Variants in PGGT1B observed in about 807,000 individuals in gnomAD.
The protein encoded by PGGT1B is protein geranylgeranyltransferase type I subunit beta, also known as geranylgeranyl transferase type-1 subunit beta.
A neutral mutation model predicts 46.1 loss-of-function variants in PGGT1B; 30 were observed. The observed-to-expected ratio is 0.65, with a 90% confidence interval of 0.49 to 0.88. PGGT1B has a LOEUF of 0.88. Ranked by LOEUF, PGGT1B falls within the 40% of genes least tolerant of loss-of-function variation. The pLI, the probability that PGGT1B is intolerant of heterozygous loss-of-function variation, is 0.00. For missense variants in PGGT1B, 376 were observed against 455.9 expected (o/e 0.82, Z 1.60); for synonymous variants, 170 against 160.0 (o/e 1.06, Z -0.47).
chr5:115,240,790 G>A (rs1757324233), intron 3 of PGGT1B, among the ~76,000 whole-genome samples: 2 of 152,196 alleles, frequency 1.3e-5, no homozygotes, highest in African/African-American at 4.8e-5. Flanking sequence ...CATTACATAA[G>A]CAGGCTGGCC....
rs751967956 is a variant in PGGT1B at position 115,262,827 on chromosome 5, G to C, written c.25C>G (p.Leu9Val). The change falls in exon 1 of 9, where the codon CTA becomes GTA. Residue 9 changes from leucine (L) to valine (V), a missense_variant. Physicochemically the swap from Leu to Val is conservative, Grantham distance 32 (BLOSUM62 1). This residue lies in a region of PGGT1B where 154 missense variants were observed against 142.3 expected (regional missense o/e 1.08). Transcript: ENST00000419445. Reference sequence around the variant, plus strand: ...CGCTCTCCCTCACCGCTCCCTGCTAGCCTCTCATCCTCAGTGGCCGCCATG... The same window carrying C: ...CGCTCTCCCTCACCGCTCCCTGCTACCCTCTCATCCTCAGTGGCCGCCATG... MAATEDER[L>V]AGSGEGERLD... 14 of 1,612,372 alleles carry C rather than the reference G, an allele frequency of 8.7e-6. No individual in the cohort carries two copies. Among genetic ancestry groups the C allele is most frequent in the Admixed American group, 5.0e-5 (3 of 60,008 alleles).
At chr5:115,234,406 G>A (rs775755704) in intron 5 of PGGT1B, among the ~76,000 whole-genome samples, 13 of 151,874 alleles carry the variant, frequency 8.6e-5, no homozygotes, top group African/African-American at 4.8e-5. Flanking sequence ...GGGAGGGTGA[G>A]GGGCAAGGAG....
intron 2 of PGGT1B, among the ~76,000 whole-genome samples, chr5:115,251,518 T>G (rs1748099106): frequency 2.0e-5 from 3 of 151,928 alleles, no homozygotes; most frequent in Non-Finnish European, 1.5e-5. Flanking sequence ...AAATAATCCT[T>G]AATAGTGGGG....
intron 2 of PGGT1B, among the ~76,000 whole-genome samples, chr5:115,252,336 G>A (rs1315518761): frequency 5.9e-5 from 9 of 151,976 alleles, no homozygotes; most frequent in East Asian, 1.9e-4. Flanking sequence ...GTTCAAGATC[G>A]TCTGCCAAAC....
intron 6 of PGGT1B, among the ~76,000 whole-genome samples, chr5:115,224,272 C>T (rs969355863): frequency 6.6e-6 from 1 of 151,942 alleles, no homozygotes; most frequent in Non-Finnish European, 1.5e-5. Context: ...CTCTAATAGA[C>T]AGTAAGTAAC....
intron 2 of PGGT1B, among the ~76,000 whole-genome samples, chr5:115,252,368 G>A (rs997647429): frequency 6.6e-6 from 1 of 151,828 alleles, no homozygotes; most frequent in Admixed American, 6.6e-5. Flanking sequence ...TTCTTTCTAA[G>A]TAAAGTTTTA....
intron 7 of PGGT1B, among the ~76,000 whole-genome samples, chr5:115,218,256 A>G (rs1378415034): frequency 1.3e-5 from 2 of 151,592 alleles, no homozygotes; most frequent in African/African-American, 4.8e-5. Context: ...ACAAGAATTA[A>G]AACATTTTTA....
intron 5 of PGGT1B, among the ~76,000 whole-genome samples, chr5:115,235,804 AT>A (rs1449091902): frequency 6.6e-6 from 1 of 152,134 alleles, no homozygotes; most frequent in East Asian, 1.9e-4. Flanking sequence ...AGGCATTTTC[AT>A]TTTGAAATAT....
At chr5:115,253,392 A>AAT (rs903365987) in intron 1 of PGGT1B, 137 bp from the exon 2 acceptor site, 17 of 594,112 alleles carry the variant, frequency 2.9e-5, no homozygotes, top group African/African-American at 2.1e-4. Context: ...AAAAGCAAAA[A>AAT]ATATATATAT....
At position 115,205,139 on chromosome 5, in the gene PGGT1B, G is replaced by C. The variant is rs946199873; in HGVS notation, c.*7263C>G. On this transcript the variant is annotated 3_prime_UTR_variant, in exon 9 of 9. Coordinates refer to ENST00000419445, the MANE Select transcript of PGGT1B (RefSeq NM_005023.4). ...CCAAACTCCTTGACTTGCTCATGTA[G>C]AATTAAATGAGAGGGAAATTGGCTT... The C allele has an allele frequency of 1.3e-5, 2 of 152,128 alleles. No homozygotes were observed. Among genetic ancestry groups the C allele is most frequent in the African/African-American group, 4.8e-5 (2 of 41,450 alleles). 9.4% of individuals were successfully genotyped at this position (152,128 alleles called of 1,614,324 possible). A position where few individuals can be genotyped will look rare whatever the true frequency, so the allele number is the denominator to read the frequency against.
intron 8 of PGGT1B, among the ~76,000 whole-genome samples, chr5:115,212,938 T>C (rs1018849483): frequency 1.3e-5 from 2 of 152,164 alleles, no homozygotes; most frequent in African/African-American, 4.8e-5. Context: ...CTAGAGAACA[T>C]GAAAACGAGT....
intron 7 of PGGT1B, among the ~76,000 whole-genome samples, chr5:115,221,509 C>G (rs971360309): frequency 7.9e-5 from 12 of 152,008 alleles, no homozygotes; most frequent in Non-Finnish European, 1.3e-4. Context: ...ATGAACTAGT[C>G]AGTTCCAACT....
intron 5 of PGGT1B, among the ~76,000 whole-genome samples, chr5:115,232,516 C>T (rs1757024952): frequency 6.6e-6 from 1 of 151,914 alleles, no homozygotes; most frequent in Non-Finnish European, 1.5e-5. Context: ...TTATAGTATA[C>T]CATATACTGA....
chr5:115,259,206 C>T (rs1482157645), intron 1 of PGGT1B, among the ~76,000 whole-genome samples: 2 of 152,182 alleles, frequency 1.3e-5, no homozygotes, highest in Non-Finnish European at 2.9e-5. Context: ...GGCAAACAGT[C>T]TCTAACTTTA....
chr5:115,234,166 GT>G (rs35683946), intron 5 of PGGT1B, among the ~76,000 whole-genome samples: 104,421 of 143,632 alleles, frequency 0.73, 38,939 homozygotes, highest in African/African-American at 0.92. Flanking sequence ...TTGTATTGGT[GT>G]TTTTTTTTTT....
At chr5:115,262,073 G>A (rs577107582) in intron 1 of PGGT1B, among the ~76,000 whole-genome samples, 15 of 152,336 alleles carry the variant, frequency 9.8e-5, no homozygotes, top group African/African-American at 1.7e-4. Context: ...TCAAAACACA[G>A]CAATGCGGAG....
At chr5:115,221,523 T>G (rs1351367576) in intron 7 of PGGT1B, among the ~76,000 whole-genome samples, 1 of 152,074 alleles carries the variant, frequency 6.6e-6, no homozygotes, top group Admixed American at 6.6e-5. Flanking sequence ...TCCAACTTTT[T>G]TATTACCTTA....
chr5:115,260,590 G>C lies in PGGT1B; in HGVS notation c.140+2122C>G, dbSNP rs552996024. Among the ~76,000 whole-genome samples, 7 of 152,200 alleles carry C rather than the reference G, an allele frequency of 4.6e-5. No homozygotes were observed. In the East Asian group the frequency reaches 1.2e-3, roughly 25 times the overall value. ...AGAACTTAGTGCTAAAGAAAATAAAGTCTGTGAGTTAGGAAAGAGAAAAAC... is the reference window on the plus strand; with the variant it reads ...AGAACTTAGTGCTAAAGAAAATAAACTCTGTGAGTTAGGAAAGAGAAAAAC... On this transcript the variant is annotated intron_variant, in intron 1 of 8. Coordinates refer to ENST00000419445, the MANE Select transcript of PGGT1B (RefSeq NM_005023.4).
chr5:115,224,672 C>A (rs1443868847), intron 6 of PGGT1B, among the ~76,000 whole-genome samples: 1 of 151,930 alleles, frequency 6.6e-6, no homozygotes, highest in Non-Finnish European at 1.5e-5. Context: ...GAGTTCGAGA[C>A]CAGCCTGGGC....
Sources: allele counts gnomAD v4.1 joint callset (sites outside exome capture counted in the v4.1 genomes callset), GRCh38; gene constraint gnomAD v4.1.1; regional missense constraint gnomAD v4.1.1; transcripts MANE v1.5; gene names NCBI Gene and HGNC (gene_info 2026-07-23, HGNC 2026-07-21).